Variants in DNAH1 observed in about 807,000 individuals in gnomAD.
DNAH1 encodes the protein axonemal beta dynein heavy chain 1.
A neutral mutation model predicts 484.3 loss-of-function variants in DNAH1; 327 were observed. That is an observed-to-expected ratio of 0.68 (90% CI 0.62 to 0.74). DNAH1 has a LOEUF of 0.74. DNAH1 is among the 30% of genes least tolerant of loss of function. The pLI is 0.00. For synonymous variants in DNAH1, 2,192 were observed against 2,191.9 expected, an observed-to-expected ratio of 1.00 and a Z score of 0.00; for missense variants, 5,052 against 5,546.8, an observed-to-expected ratio of 0.91 and a Z score of 2.83.
chr3:52,319,733 T>G (rs3890123), intron 1 of DNAH1, among the ~76,000 whole-genome samples: 3,326 of 152,310 alleles, frequency 0.022, 127 homozygotes, highest in African/African-American at 0.076. Context: ...TCTGTCTGTC[T>G]GTCTAGCTCC....
Position 52,322,526 on chromosome 3 carries a change from G to A in DNAH1, c.84G>A (p.Val28=). 2 of 1,613,786 alleles carry A rather than the reference G, an allele frequency of 1.2e-6. No individual in the cohort carries two copies. Among genetic ancestry groups the A allele is most frequent in the East Asian group, 4.5e-5 (2 of 44,872 alleles). ...PECSSAPAVQ[V]GTHRGLEYNP... ...GCAGCAGTGCTCCTGCAGTCCAAGT[G>A]GGGACCCACAGGGGCCTAGAGTATA... Residue 28 remains valine (V), a synonymous_variant, in exon 2 of 78, where the codon GTG becomes GTA. Coordinates refer to ENST00000420323, the MANE Select transcript of DNAH1 (RefSeq NM_015512.5).
intron 8 of DNAH1, among the ~76,000 whole-genome samples, chr3:52,341,530 CTTTTTTTT>C (rs55645528): frequency 2.0e-5 from 2 of 101,174 alleles, no homozygotes; most frequent in Non-Finnish European, 3.9e-5. Context: ...TTGACTTTGA[CTTTTTTTT>C]TTTTTTTTTT....
At chr3:52,388,124 C>T (rs1442694356) in intron 56 of DNAH1, 43 bp from the exon 57 acceptor site, 3 of 1,582,488 alleles carry the variant, frequency 1.9e-6, no homozygotes, top group Non-Finnish European at 1.7e-6. Flanking sequence ...TCCCCTGTCA[C>T]CCTTGAGAAG....
In DNAH1 at chr3:52,388,339, G is replaced by A. The variant is rs1432723246; in HGVS notation, c.9171+5G>A. On this transcript the variant is annotated splice_donor_5th_base_variant and intron_variant, in intron 57 of 77. Transcript: ENST00000420323. ...AAGGCCGTGGAGCCCAAGCGGGTGA[G>A]GGCTGAGTGGAGCTGGTGGGGGAGG... is the stretch of plus-strand genomic sequence containing the variant. 6.2e-7 allele frequency: 1 copy of A among 1,602,058 alleles called. No individual in the cohort carries two copies. Among genetic ancestry groups the A allele is most frequent in the Non-Finnish European group, 8.5e-7 (1 of 1,174,234 alleles).
In DNAH1 at chr3:52,361,378, A is replaced by C. The variant is rs763370794; in HGVS notation, c.4874+26A>C. On this transcript the variant is annotated intron_variant, in intron 29 of 77. Coordinates refer to ENST00000420323, the MANE Select transcript of DNAH1 (RefSeq NM_015512.5). The surrounding 1 kb of genome is among the most constrained non-coding windows in gnomAD (Gnocchi z 5.6). ...GTGAGGCTGGGCATGAGCGTGGCAC[A>C]GGATGGGGTGGGACAGCCTAGCTCT... 61 of 1,539,172 alleles carry C rather than the reference A, an allele frequency of 4.0e-5. No individual in the cohort carries two copies. Among genetic ancestry groups the C allele is most frequent in the South Asian group, 2.3e-4 (19 of 81,270 alleles).
At chr3:52,393,725 C>A (rs982186148) in intron 66 of DNAH1, among the ~76,000 whole-genome samples, 2 of 152,186 alleles carry the variant, frequency 1.3e-5, no homozygotes, top group African/African-American at 4.8e-5. Context: ...CAAGACCACC[C>A]TGGTCTCTAC....
rs565874512 is a variant in DNAH1 at position 52,345,622 on chromosome 3, C to T, written c.1572C>T (p.Thr524=). The change falls in exon 10 of 78, where the codon ACC becomes ACT. Residue 524 remains threonine, a synonymous_variant. Coordinates refer to ENST00000420323, the MANE Select transcript of DNAH1 (RefSeq NM_015512.5). ...SKVRAECNKV[T]AMSLFHSSLS... Reference sequence around the variant, plus strand: ...TGAGGGCCGAGTGCAACAAGGTGACCGCCATGTCCCTGTTCCACTCGAGCC... The same window carrying T: ...TGAGGGCCGAGTGCAACAAGGTGACTGCCATGTCCCTGTTCCACTCGAGCC... The T allele has an allele frequency of 2.5e-4, 395 of 1,609,378 alleles. 4 individuals carry two copies. The South Asian group carries it at 3.9e-3, about 16-fold the overall frequency.
chr3:52,322,542 C>T lies in DNAH1; in HGVS notation c.100C>T (p.Leu34=), dbSNP rs776335187. 1 of 1,613,852 alleles carries T rather than the reference C, an allele frequency of 6.2e-7. No homozygotes were observed. Among genetic ancestry groups the T allele is most frequent in the Non-Finnish European group, 8.5e-7 (1 of 1,179,840 alleles). The change falls in exon 2 of 78, where the codon CTA becomes TTA. Residue 34 remains leucine, a synonymous_variant. Transcript: ENST00000420323. ...AGTCCAAGTGGGGACCCACAGGGGCCTAGAGTATAACCCGGGGAAGATTCT... is the reference window on the plus strand; with the variant it reads ...AGTCCAAGTGGGGACCCACAGGGGCTTAGAGTATAACCCGGGGAAGATTCT... ...PAVQVGTHRG[L]EYNPGKILPG... is the part of the protein sequence containing the mutation.
At chr3:52,398,298 G>GTTGACACGGAGTCTC in intron 75 of DNAH1, 136 bp downstream of exon 75, 1 of 1,186,354 alleles carries the variant, frequency 8.4e-7, no homozygotes, top group Non-Finnish European at 1.1e-6. Flanking sequence ...TGTTGTTGTT[G>GTTGACACGGAGTCTC]TTGACACGGA....
chr3:52,330,784 A>G (rs1701515405), intron 6 of DNAH1, among the ~76,000 whole-genome samples: 1 of 152,140 alleles, frequency 6.6e-6, no homozygotes, highest in Non-Finnish European at 1.5e-5. Context: ...AGGGGGTCCA[A>G]CTCATTCCTG....
At position 52,370,334 on chromosome 3, in the gene DNAH1, G is replaced by A. The variant is rs900814274; in HGVS notation, c.6258+105G>A. 21 of 1,544,618 alleles carry A rather than the reference G, an allele frequency of 1.4e-5. No homozygotes were observed. In the Admixed American group the frequency reaches 3.3e-4, roughly 25 times the overall value. On this transcript the variant is annotated intron_variant, in intron 39 of 77. Transcript: ENST00000420323. Reference sequence around the variant, plus strand: ...GAGAATTGGATTGGTGCAACATGGTGCAACATGGACAAGACCACCTGTCCA... The same window carrying A: ...GAGAATTGGATTGGTGCAACATGGTACAACATGGACAAGACCACCTGTCCA...
Position 52,398,048 on chromosome 3 carries a change from C to G in DNAH1, c.11975C>G (p.Thr3992Ser), listed in dbSNP as rs748575284. Residue 3992 changes from threonine (T) to serine (S), a missense_variant, in exon 75 of 78, where the codon ACC becomes AGC. By Grantham distance (58) the Thr-to-Ser change is moderately conservative. Transcript: ENST00000420323. ...CCCCTGCAGATAGTGGAGGACGTCA[C>G]CCAAAACATTCTGCTCAAGGTGCCT... ...QGREEIVEDVTQNILLKVPEP... is the reference protein window; with the variant it reads ...QGREEIVEDVSQNILLKVPEP... 7 of 1,613,752 alleles carry G rather than the reference C, an allele frequency of 4.3e-6. No individual in the cohort carries two copies. In the South Asian group the frequency reaches 6.6e-5, roughly 15 times the overall value.
intron 5 of DNAH1, among the ~76,000 whole-genome samples, chr3:52,327,466 C>T (rs1701388847): frequency 6.6e-6 from 1 of 152,118 alleles, no homozygotes; most frequent in Non-Finnish European, 1.5e-5. Flanking sequence ...CCTGACAGCC[C>T]CGAATCTCAC....
intron 60 of DNAH1, among the ~76,000 whole-genome samples, chr3:52,390,085 C>T (rs1187669929): frequency 6.6e-6 from 1 of 152,132 alleles, no homozygotes; most frequent in African/African-American, 2.4e-5. Context: ...TGCGCCACTG[C>T]ACTCCAGCCT....
In DNAH1 at chr3:52,395,379, C is replaced by T. The variant is rs760823616; in HGVS notation, c.11040C>T (p.Gly3680=). 6.2e-7 allele frequency: 1 copy of T among 1,613,880 alleles called. No individual in the cohort carries two copies. The highest frequency in any genetic ancestry group is 8.5e-7 in the Non-Finnish European group (1 of 1,179,876). Residue 3680 remains glycine, a synonymous_variant, in exon 69 of 78, where the codon GGC becomes GGT. Transcript: ENST00000420323. This position sits in a 1 kb window ranked among gnomAD's most constrained non-coding sequence, Gnocchi z 4.4. The stretch of plus-strand genomic sequence containing the variant: ...CCCTCATCTTTGTGCTGTCACCCGG[C>T]ACAGACCCTGCTGCCGACCTCTACA... ...TTPLIFVLSP[G]TDPAADLYKF...
At chr3:52,387,989 A>G (rs1035382548) in intron 56 of DNAH1, among the ~76,000 whole-genome samples, 178 bp from the exon 57 acceptor site, 1 of 152,122 alleles carries the variant, frequency 6.6e-6, no homozygotes, top group African/African-American at 2.4e-5. Context: ...GGGACCAAAG[A>G]TTACCTTCTG....
rs1026703889 is a variant in DNAH1 at position 52,372,883 on chromosome 3, C to T, written c.6828-13C>T. 1 of 1,607,536 alleles carries T rather than the reference C, an allele frequency of 6.2e-7. No homozygotes were observed. Among genetic ancestry groups the T allele is most frequent in the Non-Finnish European group, 8.5e-7 (1 of 1,175,802 alleles). On this transcript the variant is annotated splice_polypyrimidine_tract_variant and intron_variant, in intron 43 of 77. Transcript: ENST00000420323. Reference sequence around the variant, plus strand: ...GCCTGTGGGTGCTGGGCTCACACAGCCCCTCCCCTCAGGCGGAAGGGTGTG... The same window carrying T: ...GCCTGTGGGTGCTGGGCTCACACAGTCCCTCCCCTCAGGCGGAAGGGTGTG...
chr3:52,376,110 G>T, intron 46 of DNAH1, 117 bp downstream of exon 46: 1 of 1,306,534 alleles, frequency 7.7e-7, no homozygotes, highest in Non-Finnish European at 1.1e-6. Context: ...GGTTCATGCA[G>T]GGACCTTGGG....
chr3:52,358,307 G>A lies in DNAH1; in HGVS notation c.4087-251G>A, dbSNP rs1702703490. ...CATCTATGCAGGAGGCCGGGGACAT[G>A]CAAGGCAGTCAGCCTCCTTCCCTAA... On this transcript the variant is annotated intron_variant, in intron 24 of 77. Coordinates refer to ENST00000420323, the MANE Select transcript of DNAH1 (RefSeq NM_015512.5). The surrounding 1 kb of genome is among the most constrained non-coding windows in gnomAD (Gnocchi z 4.2). Among the ~76,000 whole-genome samples the A allele has an allele frequency of 6.6e-6, 1 of 152,232 alleles. No homozygotes were observed. The highest frequency in any genetic ancestry group is 6.5e-5 in the Admixed American group (1 of 15,288).
Sources: gnomAD v4.1 joint callset for allele counts (sites outside exome capture counted in the v4.1 genomes callset) on GRCh38, gnomAD v4.1.1 for gene constraint, Gnocchi (gnomAD v3.1) non-coding constraint, MANE v1.5 for transcripts, NCBI Gene and HGNC (gene_info 2026-07-23, HGNC 2026-07-21) for gene names.